Variants in ZNF208 observed in about 807,000 individuals in gnomAD.
ZNF208 encodes zinc finger protein 208.
A neutral mutation model predicts 12.1 loss-of-function variants in ZNF208; 10 were observed. That is an observed-to-expected ratio of 0.83 (90% CI 0.51 to 1.40). The LOEUF (loss-of-function observed/expected upper bound fraction) is 1.40. Among genes scored for constraint, ZNF208 ranks in the 40% most tolerant of loss-of-function variants. The pLI is 0.00. For missense variants in ZNF208, 1,652 were observed against 1,485.0 expected (o/e 1.11, Z -1.85); for synonymous variants, 497 against 488.4 (o/e 1.02, Z -0.23).
At chr19:21,981,741 T>C (rs927343810) in intron 3 of ZNF208, among the ~76,000 whole-genome samples, 3 of 152,124 alleles carry the variant, frequency 2.0e-5, no homozygotes, top group Non-Finnish European at 4.4e-5. Flanking sequence ...ATAAAGGATA[T>C]TCAAATAGGA....
chr19:21,952,238 G>A (rs1183786739), intron 4 of ZNF208, among the ~76,000 whole-genome samples: 1 of 152,230 alleles, frequency 6.6e-6, no homozygotes, highest in Non-Finnish European at 1.5e-5. Context: ...TGAACAAAAG[G>A]CAGCAGATAG....
chr19:21,948,144 T>C (rs772727165), intron 4 of ZNF208, among the ~76,000 whole-genome samples: 2 of 152,114 alleles, frequency 1.3e-5, no homozygotes, highest in Non-Finnish European at 2.9e-5. Flanking sequence ...TCTAGATAGG[T>C]AACAAACCGT....
chr19:21,982,357 CAA>C lies in ZNF208; in HGVS notation c.226+4857_226+4858del, dbSNP rs34234040. Among the ~76,000 whole-genome samples the C allele has an allele frequency of 8.0e-3, 854 of 107,368 alleles. 9 individuals are homozygous for C. The highest frequency in any genetic ancestry group is 0.027 in the African/African-American group (725 of 26,768). The allele number at this position is 107,368 out of a possible 152,430, so 70.4% of individuals were successfully genotyped here. On this transcript the variant is annotated intron_variant, in intron 3 of 3. Transcript: ENST00000397126. ...TGGGTGATAGAGCGAGACTCCATCT[CAA>C]AAAAAAAAAAAAAAAAGGAAGAACA...
At chr19:21,956,695 T>C (rs936553019) in intron 4 of ZNF208, among the ~76,000 whole-genome samples, 3 of 152,192 alleles carry the variant, frequency 2.0e-5, no homozygotes, top group African/African-American at 7.2e-5. Context: ...AAAAGCACAA[T>C]GTTAGGGTGG....
At chr19:21,944,779 A>T (rs1474381711) in intron 4 of ZNF208, among the ~76,000 whole-genome samples, 4 of 152,230 alleles carry the variant, frequency 2.6e-5, no homozygotes, top group African/African-American at 9.6e-5. Context: ...GCTAAATCTT[A>T]GTCTCAGAGC....
chr19:21,989,353 T>C (rs1970687002), intron 1 of ZNF208, among the ~76,000 whole-genome samples: 1 of 150,926 alleles, frequency 6.6e-6, no homozygotes, highest in Non-Finnish European at 1.5e-5. Flanking sequence ...TTTTTTGTCC[T>C]TGTGATAGTT....
At chr19:21,977,501 G>A (rs550117572) in intron 3 of ZNF208, among the ~76,000 whole-genome samples, 5 of 152,262 alleles carry the variant, frequency 3.3e-5, no homozygotes, top group African/African-American at 1.2e-4. Flanking sequence ...CCTAGCCAAG[G>A]TAAGGGTTTA....
At chr19:22,003,742 T>A (rs1349561137) in intron 1 of ZNF208, among the ~76,000 whole-genome samples, 1 of 152,120 alleles carries the variant, frequency 6.6e-6, no homozygotes, top group East Asian at 1.9e-4. Flanking sequence ...AACCTCACAA[T>A]TGGGTATATA....
chr19:21,945,370 CT>C (rs1050790544), intron 4 of ZNF208, among the ~76,000 whole-genome samples: 2 of 152,098 alleles, frequency 1.3e-5, no homozygotes, highest in Non-Finnish European at 2.9e-5. Flanking sequence ...GTGTTTGTCT[CT>C]TGTTTAAATT....
intron 1 of ZNF208, among the ~76,000 whole-genome samples, chr19:21,993,473 C>G (rs969052988): frequency 6.6e-6 from 1 of 151,732 alleles, no homozygotes; most frequent in African/African-American, 2.4e-5. Flanking sequence ...AAAAAGAGTT[C>G]TGCAAAATGG....
intron 1 of ZNF208, among the ~76,000 whole-genome samples, chr19:21,992,958 C>T (rs1056831412): frequency 1.3e-5 from 2 of 151,938 alleles, no homozygotes; most frequent in African/African-American, 2.4e-5. Context: ...TTTTTTTCTC[C>T]TTCTCCTCCT....
intron 4 of ZNF208, among the ~76,000 whole-genome samples, chr19:21,943,294 A>C (rs117917066): frequency 1.4e-3 from 218 of 152,330 alleles, no homozygotes; most frequent in Admixed American, 3.3e-3. Context: ...ATCATAAATT[A>C]GGAAAAAATC....
chr19:22,010,532 G>C (rs1971127613), intron 1 of ZNF208, among the ~76,000 whole-genome samples: 1 of 152,212 alleles, frequency 6.6e-6, no homozygotes, highest in Non-Finnish European at 1.5e-5. Context: ...GAGACTCCGC[G>C]CTGCGGGTGC....
At chr19:21,952,198 T>C (rs1969900267) in intron 4 of ZNF208, among the ~76,000 whole-genome samples, 1 of 152,210 alleles carries the variant, frequency 6.6e-6, no homozygotes, top group Non-Finnish European at 1.5e-5. Flanking sequence ...ACTGCCTCTA[T>C]AGACTCCAAC....
At position 22,004,816 on chromosome 19, in the gene ZNF208, A is replaced by G. The variant is rs374878206; in HGVS notation, c.3+5976T>C. Among the ~76,000 whole-genome samples the G allele has an allele frequency of 1.3e-4, 20 of 152,304 alleles. 1 individual carries two copies. The highest frequency in any genetic ancestry group is 1.2e-3 in the East Asian group (6 of 5,184). ...GAAAAAGTACCTTTTTGGTGCTATG[A>G]TTAGTACTGCAGTGACAAAATAATC... On this transcript the variant is annotated intron_variant, in intron 1 of 3. Coordinates refer to ENST00000397126, the MANE Select transcript of ZNF208 (RefSeq NM_007153.3).
chr19:21,954,488 T>C (rs186158457), intron 4 of ZNF208, among the ~76,000 whole-genome samples: 2 of 152,354 alleles, frequency 1.3e-5, no homozygotes, highest in African/African-American at 4.8e-5. Context: ...TGTAGGTCTC[T>C]AAGGACTTGC....
At chr19:21,957,871 C>T (rs1970000828) in intron 4 of ZNF208, among the ~76,000 whole-genome samples, 1 of 151,228 alleles carries the variant, frequency 6.6e-6, no homozygotes, top group African/African-American at 2.4e-5. Context: ...TTTTAGGGTA[C>T]CTGTGCACAA....
rs944868516 is a variant in ZNF208 at position 21,970,186 on chromosome 19, G to C, written c.*1005C>G. 2.6e-5 allele frequency among the ~76,000 whole-genome samples: 4 copies of C among 152,176 alleles called. No homozygotes were observed. The highest frequency in any genetic ancestry group is 4.4e-5 in the Non-Finnish European group (3 of 68,020). On this transcript the variant is annotated 3_prime_UTR_variant, in exon 4 of 4. Transcript: ENST00000397126. Reference sequence around the variant, plus strand: ...CATTGTCACATCTTTCAGGTTTGTAGAGTCTCTCTTGTGTATGAATTAGCT... The same window carrying C: ...CATTGTCACATCTTTCAGGTTTGTACAGTCTCTCTTGTGTATGAATTAGCT...
intron 3 of ZNF208, among the ~76,000 whole-genome samples, chr19:21,979,335 G>A (rs549246140): frequency 3.3e-5 from 5 of 152,204 alleles, no homozygotes; most frequent in African/African-American, 4.8e-5. Flanking sequence ...GAGAAAGGTC[G>A]GGTTACCCAT....
Sources: allele counts gnomAD v4.1 joint callset (sites outside exome capture counted in the v4.1 genomes callset), GRCh38; gene constraint gnomAD v4.1.1; transcripts MANE v1.5; gene names NCBI Gene and HGNC (gene_info 2026-07-23, HGNC 2026-07-21).